Variants in GPC5 observed in about 807,000 individuals in gnomAD.
GPC5 encodes the protein glypican-5.
GPC5 carries 47 observed loss-of-function variants against 53.9 expected under a neutral mutation model. That is an observed-to-expected ratio of 0.87 (90% CI 0.69 to 1.11). The LOEUF is 1.11. Ranked by LOEUF, GPC5 falls within the 50% of genes most tolerant of loss-of-function variation. The pLI is 0.00. For missense variants in GPC5, 748 were observed against 713.1 expected, an observed-to-expected ratio of 1.05 and a Z score of -0.56; for synonymous variants, 286 against 263.3, an observed-to-expected ratio of 1.09 and a Z score of -0.84.
At chr13:91,650,835 G>T (rs2034691077) in intron 2 of GPC5, among the ~76,000 whole-genome samples, 1 of 138,764 alleles carries the variant, frequency 7.2e-6, no homozygotes, top group Admixed American at 7.6e-5. Context: ...TAATTTTAAT[G>T]AAATTATAAA....
chr13:92,266,725 T>C (rs2042804815), intron 7 of GPC5, among the ~76,000 whole-genome samples: 1 of 152,198 alleles, frequency 6.6e-6, no homozygotes, highest in South Asian at 2.1e-4. Flanking sequence ...GTTTCAAATA[T>C]CATTAGCAGA....
chr13:91,407,152 T>C (rs1877384402), intron 1 of GPC5, among the ~76,000 whole-genome samples: 1 of 152,192 alleles, frequency 6.6e-6, no homozygotes, highest in African/African-American at 2.4e-5. Context: ...ATGCTTAATG[T>C]TAGTAGAATG....
intron 5 of GPC5, among the ~76,000 whole-genome samples, chr13:91,770,552 G>A (rs1594546530): frequency 6.6e-6 from 1 of 152,160 alleles, no homozygotes; most frequent in Admixed American, 6.6e-5. Flanking sequence ...TAGGAGGAAT[G>A]TGTTAGATGC....
chr13:92,585,119 G>T (rs939321705), intron 7 of GPC5, among the ~76,000 whole-genome samples: 2 of 152,114 alleles, frequency 1.3e-5, no homozygotes, highest in African/African-American at 4.8e-5. Flanking sequence ...CCATCTAGTG[G>T]TGCTATGAGA....
chr13:92,861,228 C>A (rs1320791944), intron 7 of GPC5, among the ~76,000 whole-genome samples: 1 of 152,132 alleles, frequency 6.6e-6, no homozygotes, highest in Non-Finnish European at 1.5e-5. Context: ...TTTTCATTAA[C>A]AATGCACAGA....
intron 7 of GPC5, among the ~76,000 whole-genome samples, chr13:92,217,550 A>G (rs1452601621): frequency 4.6e-5 from 7 of 152,064 alleles, no homozygotes; most frequent in Non-Finnish European, 8.8e-5. Flanking sequence ...CCCATCTCCA[A>G]TCTGTGGCTA....
At chr13:91,573,423 G>T (rs572097541) in intron 2 of GPC5, among the ~76,000 whole-genome samples, 4 of 152,288 alleles carry the variant, frequency 2.6e-5, no homozygotes, top group African/African-American at 9.6e-5. Context: ...CTGCTGTCAA[G>T]ATTTTTTAAA....
At chr13:92,378,599 C>T (rs1203551579) in intron 7 of GPC5, among the ~76,000 whole-genome samples, 1 of 152,062 alleles carries the variant, frequency 6.6e-6, no homozygotes, top group Non-Finnish European at 1.5e-5. Context: ...CATGATAGAA[C>T]TTTTCTTAGT....
chr13:92,722,804 T>G (rs1888540549), intron 7 of GPC5, among the ~76,000 whole-genome samples: 1 of 151,844 alleles, frequency 6.6e-6, no homozygotes, highest in African/African-American at 2.4e-5. Flanking sequence ...CAAGAATGTC[T>G]TTTGTATTTT....
At position 92,692,754 on chromosome 13, in the gene GPC5, A is replaced by ATTTTTTTTTTTTTTTTTTTTTTT. The variant is rs71272284; in HGVS notation, c.1562-173506_1562-173505insTTTTTTTTTTTTTTTTTTTTTTT. ...CTCCAAAGCCTCACCAATATCGGCT[A>ATTTTTTTTTTTTTTTTTTTTTTT]TTTTTTTTTTTTTTTTTTTTTTACA... On this transcript the variant is annotated intron_variant, in intron 7 of 7. Coordinates refer to ENST00000377067, the MANE Select transcript of GPC5 (RefSeq NM_004466.6). Among the ~76,000 whole-genome samples, 47 of 81,022 alleles carry ATTTTTTTTTTTTTTTTTTTTTTT rather than the reference A, an allele frequency of 5.8e-4. 7 individuals carry two copies. The highest frequency in any genetic ancestry group is 3.4e-3 in the East Asian group (4 of 1,184). 53.2% of individuals were successfully genotyped at this position (81,022 alleles called of 152,430 possible).
chr13:92,315,333 TTC>T (rs2043172011), intron 7 of GPC5, among the ~76,000 whole-genome samples: 1 of 152,160 alleles, frequency 6.6e-6, no homozygotes, highest in African/African-American at 2.4e-5. Context: ...CTCAATCATC[TTC>T]TGTTTTCAGA....
rs566618966 is a variant in GPC5 at position 92,176,349 on chromosome 13, T to C, written c.1561+31360T>C. ...GTCTCAAGACAGCTTCCTGTCACAC[T>C]GCAACATTCATCTCTCCAGGCACTG... On this transcript the variant is annotated intron_variant, in intron 7 of 7. Transcript: ENST00000377067. Among the ~76,000 whole-genome samples, 12 of 152,272 alleles carry C rather than the reference T, an allele frequency of 7.9e-5. No individual in the cohort carries two copies. In the South Asian group the frequency reaches 2.3e-3, roughly 29 times the overall value.
At chr13:91,807,556 G>A (rs2038241740) in intron 5 of GPC5, among the ~76,000 whole-genome samples, 1 of 152,098 alleles carries the variant, frequency 6.6e-6, no homozygotes, top group African/African-American at 2.4e-5. Context: ...TTTTACCTCT[G>A]ATTGCTAAAT....
intron 7 of GPC5, among the ~76,000 whole-genome samples, chr13:92,681,646 TG>T (rs1381864291): frequency 6.6e-6 from 1 of 152,226 alleles, no homozygotes; most frequent in East Asian, 1.9e-4. Context: ...TGACCATTTT[TG>T]GTCAGACCCT....
intron 7 of GPC5, among the ~76,000 whole-genome samples, chr13:92,512,252 G>GCA (rs1880597759): frequency 5.3e-5 from 8 of 150,076 alleles, no homozygotes; most frequent in South Asian, 2.1e-4. Context: ...GTGTGTGTGC[G>GCA]CGCGCGCGCG....
intron 2 of GPC5, among the ~76,000 whole-genome samples, chr13:91,663,679 G>C (rs139482341): frequency 2.4e-4 from 36 of 152,122 alleles, no homozygotes; most frequent in African/African-American, 8.7e-4. Context: ...GCCAAGGATG[G>C]TCTCTAACTC....
At chr13:92,173,505 A>G (rs992930851) in intron 7 of GPC5, among the ~76,000 whole-genome samples, 5 of 152,188 alleles carry the variant, frequency 3.3e-5, no homozygotes, top group African/African-American at 1.2e-4. Flanking sequence ...CTGCCTGGAC[A>G]AACCCTTTCC....
chr13:91,996,909 G>A (rs916869949), intron 6 of GPC5, among the ~76,000 whole-genome samples: 1 of 151,926 alleles, frequency 6.6e-6, no homozygotes, highest in Non-Finnish European at 1.5e-5. Flanking sequence ...ATGTAGTATT[G>A]TATCATACAA....
At chr13:92,821,019 TG>T (rs2138809954) in intron 7 of GPC5, among the ~76,000 whole-genome samples, 1 of 152,264 alleles carries the variant, frequency 6.6e-6, no homozygotes, top group Non-Finnish European at 1.5e-5. Context: ...AGTCATTTTC[TG>T]TATTAAGACT....
Sources: gnomAD v4.1 joint callset for allele counts (sites outside exome capture counted in the v4.1 genomes callset) on GRCh38, gnomAD v4.1.1 for gene constraint, MANE v1.5 for transcripts, NCBI Gene and HGNC (gene_info 2026-07-23, HGNC 2026-07-21) for gene names.